The following RBFOX1 variants were observed in gnomAD, a reference collection of about 807,000 sequenced individuals.
RBFOX1 encodes the protein RNA binding protein fox-1 homolog 1.
RBFOX1 carries 8 observed loss-of-function variants against 57.7 expected under a neutral mutation model. The ratio of observed to expected loss-of-function variants is 0.14; its 90% CI spans 0.08 to 0.25. The LOEUF is 0.25. Ranked by LOEUF, RBFOX1 falls within the 10% of genes least tolerant of loss-of-function variation. RBFOX1 has a pLI of 1.00. For synonymous variants in RBFOX1, 326 were observed against 222.4 expected (o/e 1.47, Z -4.15); for missense variants, 611 against 548.5 (o/e 1.11, Z -1.14).
At chr16:6,461,678 G>T (rs2094924802) in intron 2 of RBFOX1, among the ~76,000 whole-genome samples, 1 of 152,134 alleles carries the variant, frequency 6.6e-6, no homozygotes, top group South Asian at 2.1e-4. Flanking sequence ...TGTTTTGACA[G>T]AAATCTTTAA....
chr16:5,362,648 C>T (rs1343581096), intron 1 of RBFOX1, among the ~76,000 whole-genome samples: 1 of 152,152 alleles, frequency 6.6e-6, no homozygotes, highest in South Asian at 2.1e-4. Context: ...AGGCGTGAGC[C>T]ACCGCGCCAG....
intron 4 of RBFOX1, among the ~76,000 whole-genome samples, chr16:7,207,141 T>C (rs1567706692): frequency 6.6e-6 from 1 of 152,226 alleles, no homozygotes; most frequent in African/African-American, 2.4e-5. Flanking sequence ...ATTTCTTAGC[T>C]GATCAGCAAG....
chr16:7,418,109 C>T (rs544737711), intron 4 of RBFOX1, among the ~76,000 whole-genome samples: 2 of 152,278 alleles, frequency 1.3e-5, no homozygotes, highest in South Asian at 2.1e-4. Context: ...CCTAACCTCA[C>T]CTCTCCCCCA....
At chr16:6,918,811 G>A (rs546180674) in intron 3 of RBFOX1, among the ~76,000 whole-genome samples, 30 of 152,178 alleles carry the variant, frequency 2.0e-4, no homozygotes, top group East Asian at 5.8e-4. Flanking sequence ...GAGCAGAAGC[G>A]CACTCGTTAA....
chr16:6,422,582 G>GA (rs1156633680), intron 2 of RBFOX1, among the ~76,000 whole-genome samples: 2 of 152,154 alleles, frequency 1.3e-5, no homozygotes, highest in Non-Finnish European at 2.9e-5. Context: ...TGCTCCTGGG[G>GA]ATGCCTCAGG....
chr16:6,273,016 T>C (rs1173849123), intron 1 of RBFOX1, among the ~76,000 whole-genome samples: 1 of 152,032 alleles, frequency 6.6e-6, no homozygotes, highest in Non-Finnish European at 1.5e-5. Context: ...TCCCAGCACT[T>C]TGGGAGGCTG....
At chr16:6,945,745 G>A (rs59209683) in intron 3 of RBFOX1, among the ~76,000 whole-genome samples, 1 of 152,098 alleles carries the variant, frequency 6.6e-6, no homozygotes, top group Admixed American at 6.5e-5. Flanking sequence ...ATACAAATTA[G>A]CTGAGGGTGG....
intron 2 of RBFOX1, among the ~76,000 whole-genome samples, chr16:6,548,796 C>G (rs957835447): frequency 1.3e-5 from 2 of 152,056 alleles, no homozygotes; most frequent in Non-Finnish European, 2.9e-5. Context: ...GCATCCTTGG[C>G]TGGGTGCAGT....
At chr16:5,612,245 C>G (rs958545620) in intron 3 of RBFOX1, among the ~76,000 whole-genome samples, 1 of 151,488 alleles carries the variant, frequency 6.6e-6, no homozygotes, top group Non-Finnish European at 1.5e-5. Context: ...ACTCTCCCAT[C>G]AGTTCTCCCA....
At chr16:7,567,315 A>G (rs1487899325) in intron 5 of RBFOX1, among the ~76,000 whole-genome samples, 25 of 110,298 alleles carry the variant, frequency 2.3e-4, no homozygotes, top group African/African-American at 7.8e-4. Flanking sequence ...ATATATATAT[A>G]TATATATCTC....
chr16:6,478,421 A>AT (rs2095314167), intron 2 of RBFOX1, among the ~76,000 whole-genome samples: 5 of 12,430 alleles, frequency 4.0e-4, no homozygotes, highest in African/African-American at 4.5e-4. Context: ...ATATATATAT[A>AT]TATATATATT....
chr16:6,941,225 C>T (rs1270171252), intron 3 of RBFOX1, among the ~76,000 whole-genome samples: 1 of 143,800 alleles, frequency 7.0e-6, no homozygotes, highest in East Asian at 2.1e-4. Context: ...CCTCCCATTA[C>T]CTCCCTCCCT....
intron 1 of RBFOX1, among the ~76,000 whole-genome samples, chr16:5,322,838 G>A (rs1171078533): frequency 2.6e-5 from 4 of 152,176 alleles, no homozygotes; most frequent in Admixed American, 1.3e-4. Context: ...TGCACTTAGG[G>A]CACTTAGCAG....
At chr16:6,925,742 C>T (rs528916184) in intron 3 of RBFOX1, among the ~76,000 whole-genome samples, 1 of 151,780 alleles carries the variant, frequency 6.6e-6, no homozygotes, top group Non-Finnish European at 1.5e-5. Context: ...CACCCAAACA[C>T]AGACAAGCAA....
chr16:6,947,038 C>T (rs1193968170), intron 3 of RBFOX1, among the ~76,000 whole-genome samples: 1 of 152,228 alleles, frequency 6.6e-6, no homozygotes, highest in African/African-American at 2.4e-5. Context: ...CTCCTGGCCT[C>T]AGGCTCCTCA....
At chr16:6,846,811 C>T (rs916900076) in intron 3 of RBFOX1, among the ~76,000 whole-genome samples, 1 of 151,754 alleles carries the variant, frequency 6.6e-6, no homozygotes, top group Non-Finnish European at 1.5e-5. Context: ...CATTTGTAAG[C>T]AGCTGCTTTA....
chr16:5,758,029 C>G (rs2053461128), intron 3 of RBFOX1, among the ~76,000 whole-genome samples: 1 of 152,162 alleles, frequency 6.6e-6, no homozygotes, highest in Non-Finnish European at 1.5e-5. Flanking sequence ...ATCTCTGGAA[C>G]TTGCAGCAAC....
At chr16:6,692,909 C>G (rs927983381) in intron 3 of RBFOX1, among the ~76,000 whole-genome samples, 8 of 151,784 alleles carry the variant, frequency 5.3e-5, no homozygotes, top group African/African-American at 1.7e-4. Context: ...TCAGCATCAT[C>G]TTCATAGTAC....
intron 4 of RBFOX1, among the ~76,000 whole-genome samples, chr16:7,107,981 A>G (rs75710413): frequency 0.01 from 1,495 of 148,392 alleles, 13 homozygotes; most frequent in Non-Finnish European, 0.017. Context: ...AATGCAATTG[A>G]CCTAGGAAAG....
Sources: gnomAD v4.1 joint callset for allele counts (sites outside exome capture counted in the v4.1 genomes callset) on GRCh38, gnomAD v4.1.1 for gene constraint, MANE v1.5 for transcripts, NCBI Gene and HGNC (gene_info 2026-07-23, HGNC 2026-07-21) for gene names.